Variants in MROH9 observed in about 807,000 individuals in gnomAD.
The protein encoded by MROH9 is maestro heat-like repeat-containing protein family member 9.
Under a neutral mutation model 98.2 loss-of-function variants are expected in MROH9, and 92 were observed. The observed-to-expected ratio is 0.94, with a 90% CI of 0.79 to 1.11. MROH9 has a LOEUF of 1.11. MROH9 is among the 50% of genes most tolerant of loss of function. The pLI, the probability that MROH9 is intolerant of heterozygous loss-of-function variation, is 0.00. For missense variants in MROH9, 1,057 were observed against 1,014.8 expected (o/e 1.04, Z -0.57); for synonymous variants, 397 against 368.9 (o/e 1.08, Z -0.87).
chr1:170,947,971 T>C (rs1649398477), intron 3 of MROH9, among the ~76,000 whole-genome samples: 1 of 151,974 alleles, frequency 6.6e-6, no homozygotes, highest in African/African-American at 2.4e-5. Flanking sequence ...TGAATGATAT[T>C]ATTTCCTTAT....
At chr1:170,974,053 C>G (rs1489231519) in intron 8 of MROH9, among the ~76,000 whole-genome samples, 3 of 152,050 alleles carry the variant, frequency 2.0e-5, no homozygotes, top group Admixed American at 6.6e-5. Flanking sequence ...CATGGATTAA[C>G]AAAAACTTTG....
intron 20 of MROH9, among the ~76,000 whole-genome samples, chr1:171,058,076 T>C (rs1244148613): frequency 1.3e-5 from 2 of 152,154 alleles, no homozygotes; most frequent in African/African-American, 4.8e-5. Flanking sequence ...GACACGGTTT[T>C]ATATTTAGAA....
At chr1:171,018,286 T>C (rs1056669649) in intron 17 of MROH9, among the ~76,000 whole-genome samples, 10 of 151,030 alleles carry the variant, frequency 6.6e-5, no homozygotes, top group African/African-American at 2.4e-4. Context: ...CCCAGAAAAC[T>C]GCAGCAACCC....
chr1:170,998,910 T>C (rs1004223643), intron 15 of MROH9: 1 of 234,472 alleles, frequency 4.3e-6, no homozygotes, highest in African/African-American at 2.3e-5. Context: ...TCAAACACCA[T>C]AGGAAAACGG....
intron 20 of MROH9, among the ~76,000 whole-genome samples, chr1:171,040,524 T>C (rs975018786): frequency 2.6e-5 from 4 of 152,274 alleles, no homozygotes; most frequent in African/African-American, 4.8e-5. Context: ...TTATGTTATA[T>C]ACCTTAAATA....
intron 20 of MROH9, among the ~76,000 whole-genome samples, chr1:171,046,659 T>A (rs1361333611): frequency 1.3e-5 from 2 of 152,206 alleles, no homozygotes; most frequent in Non-Finnish European, 2.9e-5. Context: ...GATTGGTTCA[T>A]CATTTAGTCT....
intron 17 of MROH9, 87 bp from the exon 18 acceptor site, chr1:171,024,308 G>T (rs1175807967): frequency 1.5e-5 from 13 of 858,530 alleles, no homozygotes; most frequent in Non-Finnish European, 2.2e-5. Context: ...TATGGGGTGT[G>T]TGTGTGTGTG....
chr1:170,976,271 C>A (rs933131316), intron 8 of MROH9, among the ~76,000 whole-genome samples: 1 of 152,130 alleles, frequency 6.6e-6, no homozygotes, highest in Non-Finnish European at 1.5e-5. Flanking sequence ...TGTATTTTTG[C>A]TGTGACTGGT....
chr1:170,972,861 G>C (rs1008104576), intron 8 of MROH9, among the ~76,000 whole-genome samples: 3 of 103,630 alleles, frequency 2.9e-5, no homozygotes, highest in African/African-American at 6.9e-5. Flanking sequence ...CACACACACA[G>C]AGTTTTCAAT....
chr1:171,049,657 A>G (rs1653599648), intron 20 of MROH9, among the ~76,000 whole-genome samples: 1 of 147,432 alleles, frequency 6.8e-6, no homozygotes, highest in Non-Finnish European at 1.5e-5. Context: ...CATGTTCTTT[A>G]CCCACTTTTT....
intron 20 of MROH9, among the ~76,000 whole-genome samples, chr1:171,052,035 T>A (rs994920396): frequency 8.5e-6 from 1 of 118,198 alleles, no homozygotes; most frequent in Non-Finnish European, 2.0e-5. Flanking sequence ...GTCTTGGACC[T>A]TTTTTTTTTT....
chr1:171,058,308 G>C lies in MROH9; in HGVS notation c.2282-3824G>C, dbSNP rs182593297. Among the ~76,000 whole-genome samples, 4 of 128,252 alleles carry C rather than the reference G, an allele frequency of 3.1e-5. No homozygotes were observed. In the East Asian group the frequency reaches 9.2e-4, roughly 29 times the overall value. 84.1% of individuals were successfully genotyped at this position (128,252 alleles called of 152,430 possible). ...GGGATGTAAAGGACCTCTTCAAGGAGAATTACAAACCACGGGTCAAGGAAA... is the reference window on the plus strand; with the variant it reads ...GGGATGTAAAGGACCTCTTCAAGGACAATTACAAACCACGGGTCAAGGAAA... On this transcript the variant is annotated intron_variant, in intron 20 of 21. Transcript: ENST00000367759.
At chr1:171,031,886 C>T (rs1457612453) in intron 20 of MROH9, among the ~76,000 whole-genome samples, 1 of 152,168 alleles carries the variant, frequency 6.6e-6, no homozygotes, top group Non-Finnish European at 1.5e-5. Flanking sequence ...CAGCTTGTTT[C>T]CATTCTCCTC....
intron 3 of MROH9, among the ~76,000 whole-genome samples, chr1:170,948,432 C>T (rs755926262): frequency 6.6e-6 from 1 of 151,936 alleles, no homozygotes; most frequent in Non-Finnish European, 1.5e-5. Context: ...TTAATAAAAC[C>T]ATATTCTATT....
intron 15 of MROH9, among the ~76,000 whole-genome samples, chr1:171,002,469 G>T (rs1005138696): frequency 2.0e-5 from 3 of 152,106 alleles, no homozygotes; most frequent in Non-Finnish European, 2.9e-5. Flanking sequence ...AATTCTCTCA[G>T]CATTTGTTTG....
In MROH9 at chr1:171,008,080, T is replaced by C. The variant is rs1057357665; in HGVS notation, c.1597-6037T>C. Among the ~76,000 whole-genome samples the C allele has an allele frequency of 2.6e-5, 4 of 152,216 alleles. No homozygotes were observed. In the South Asian group the frequency reaches 8.3e-4, roughly 32 times the overall value. On this transcript the variant is annotated intron_variant, in intron 15 of 21. Transcript: ENST00000367759. ...TCTGGGGGATAATCATGGTGAATAGTATTCCATTCTTGTTTTATTATGGAT... is the reference window on the plus strand; with the variant it reads ...TCTGGGGGATAATCATGGTGAATAGCATTCCATTCTTGTTTTATTATGGAT...
intron 11 of MROH9, among the ~76,000 whole-genome samples, chr1:170,990,411 T>A (rs902104160): frequency 6.6e-6 from 1 of 152,108 alleles, no homozygotes; most frequent in African/African-American, 2.4e-5. Context: ...AGGACAGACA[T>A]AAGATATTTC....
chr1:170,942,543 C>T (rs566622292), intron 1 of MROH9, among the ~76,000 whole-genome samples: 7 of 152,112 alleles, frequency 4.6e-5, no homozygotes, highest in Admixed American at 4.6e-4. Flanking sequence ...TAGGGTAGGC[C>T]AGTAACATAC....
chr1:170,967,784 T>C (rs1280806075), intron 7 of MROH9, among the ~76,000 whole-genome samples: 2 of 152,174 alleles, frequency 1.3e-5, no homozygotes, highest in African/African-American at 4.8e-5. Context: ...TGGTTCAACT[T>C]TCAACAGGCA....
Sources: allele counts gnomAD v4.1 joint callset (sites outside exome capture counted in the v4.1 genomes callset), GRCh38; gene constraint gnomAD v4.1.1; transcripts MANE v1.5; gene names NCBI Gene and HGNC (gene_info 2026-07-23, HGNC 2026-07-21).